Variants in RSU1 observed in about 807,000 individuals in gnomAD.
RSU1 encodes the protein Ras suppressor protein 1.
A neutral mutation model predicts 31.1 loss-of-function variants in RSU1; 26 were observed. The observed-to-expected ratio is 0.84, with a 90% CI of 0.61 to 1.16. The LOEUF is 1.16. Ranked by LOEUF, RSU1 falls within the 50% of genes most tolerant of loss-of-function variation. The probability of loss-of-function intolerance (pLI) is 0.00; values close to 1 mark genes in which losing one functional copy is unlikely to be tolerated. For missense variants in RSU1, 320 were observed against 339.1 expected, an observed-to-expected ratio of 0.94 and a Z score of 0.44; for synonymous variants, 164 against 136.3, an observed-to-expected ratio of 1.20 and a Z score of -1.41.
intron 2 of RSU1, among the ~76,000 whole-genome samples, chr10:16,785,708 G>A (rs1390724102): frequency 7.7e-6 from 1 of 130,226 alleles, no homozygotes; most frequent in Non-Finnish European, 1.6e-5. Flanking sequence ...ATCTTTGGCA[G>A]GGATATCGCA....
chr10:16,674,025 A>G (rs12573392), intron 8 of RSU1, among the ~76,000 whole-genome samples: 30,611 of 152,132 alleles, frequency 0.2, 3,496 homozygotes, highest in South Asian at 0.41. Flanking sequence ...GGCTCTCAGC[A>G]GCCAATATCT....
chr10:16,708,815 C>G, intron 7 of RSU1, among the ~76,000 whole-genome samples: 1 of 144,678 alleles, frequency 6.9e-6, no homozygotes, highest in East Asian at 2.0e-4. Flanking sequence ...TTTCTATTAT[C>G]TTTTTTTTTT....
At chr10:16,795,368 A>G (rs1417004677) in intron 2 of RSU1, among the ~76,000 whole-genome samples, 1 of 151,660 alleles carries the variant, frequency 6.6e-6, no homozygotes, top group Non-Finnish European at 1.5e-5. Context: ...AAAAAAAAAA[A>G]AAAAAATTAA....
chr10:16,682,492 T>C (rs938207147), intron 8 of RSU1, among the ~76,000 whole-genome samples: 12 of 149,926 alleles, frequency 8.0e-5, no homozygotes, highest in Admixed American at 4.7e-4. Flanking sequence ...TCAGAAACCC[T>C]TGTAGCAGAA....
chr10:16,780,417 T>C (rs1328398819), intron 3 of RSU1, among the ~76,000 whole-genome samples: 2 of 152,046 alleles, frequency 1.3e-5, no homozygotes, highest in Admixed American at 6.6e-5. Context: ...AATTTTTTGA[T>C]TTTTGGTAGA....
intron 8 of RSU1, among the ~76,000 whole-genome samples, chr10:16,694,245 G>A (rs542284508): frequency 3.9e-5 from 6 of 152,246 alleles, no homozygotes; most frequent in East Asian, 3.9e-4. Flanking sequence ...GGCAGATTCC[G>A]CTTCCTCTCC....
chr10:16,594,586 A>T (rs567524948), intron 8 of RSU1, among the ~76,000 whole-genome samples: 64 of 147,302 alleles, frequency 4.3e-4, no homozygotes, highest in Middle Eastern at 7.7e-3. Flanking sequence ...AATTAAAAAA[A>T]ATATATATAT....
intron 2 of RSU1, among the ~76,000 whole-genome samples, chr10:16,816,022 C>A (rs1222954492): frequency 6.6e-6 from 1 of 152,188 alleles, no homozygotes; most frequent in African/African-American, 2.4e-5. Flanking sequence ...AAACCTGGAG[C>A]ATTACCGTCG....
At chr10:16,738,430 G>GA (rs1836681943) in intron 7 of RSU1, among the ~76,000 whole-genome samples, 1 of 152,044 alleles carries the variant, frequency 6.6e-6, no homozygotes, top group South Asian at 2.1e-4. Context: ...TGGCCTGTGT[G>GA]AAAGAGCAAG....
At chr10:16,666,701 C>T (rs530563651) in intron 8 of RSU1, among the ~76,000 whole-genome samples, 24 of 151,788 alleles carry the variant, frequency 1.6e-4, no homozygotes, top group Non-Finnish European at 2.6e-4. Flanking sequence ...AAAAAATGAG[C>T]CATCAGCCGG....
At chr10:16,693,477 CAAA>C (rs773915130) in intron 8 of RSU1, among the ~76,000 whole-genome samples, 2 of 131,338 alleles carry the variant, frequency 1.5e-5, no homozygotes. Flanking sequence ...TTTCTGATAC[CAAA>C]AAAAAAAAAA....
chr10:16,808,380 A>C (rs1838322093), intron 2 of RSU1, among the ~76,000 whole-genome samples: 1 of 151,650 alleles, frequency 6.6e-6, no homozygotes, highest in African/African-American at 2.4e-5. Flanking sequence ...GCTACTTGGA[A>C]GCCTAAGGCA....
chr10:16,623,986 A>G (rs1449157779), intron 8 of RSU1, among the ~76,000 whole-genome samples: 3 of 152,108 alleles, frequency 2.0e-5, no homozygotes. Context: ...TGAAGTCAAA[A>G]TGAGTATGAA....
chr10:16,723,061 TATC>T (rs1473709424), intron 7 of RSU1: 2 of 151,556 alleles, frequency 1.3e-5, no homozygotes, highest in African/African-American at 4.9e-5. Context: ...CACACATATA[TATC>T]ATGTGATATA....
chr10:16,729,704 A>G (rs1588498735), intron 7 of RSU1, among the ~76,000 whole-genome samples: 1 of 152,274 alleles, frequency 6.6e-6, no homozygotes, highest in East Asian at 1.9e-4. Context: ...TTTCTTTTTT[A>G]TGGCATTGAT....
chr10:16,714,728 C>G (rs1041632650), intron 7 of RSU1, among the ~76,000 whole-genome samples: 12 of 152,046 alleles, frequency 7.9e-5, no homozygotes, highest in South Asian at 2.1e-4. Flanking sequence ...GGTATAAGGA[C>G]AGCTAGGCCT....
intron 8 of RSU1, among the ~76,000 whole-genome samples, chr10:16,654,787 A>G (rs919696423): frequency 4.6e-5 from 7 of 151,454 alleles, no homozygotes; most frequent in African/African-American, 1.5e-4. Context: ...GGCCCAGCAT[A>G]GTGGCTCATG....
chr10:16,635,437 G>A (rs754999048), intron 8 of RSU1, among the ~76,000 whole-genome samples: 26 of 152,016 alleles, frequency 1.7e-4, no homozygotes, highest in Admixed American at 1.3e-4. Flanking sequence ...TGAGAAAACC[G>A]AAACACTCCA....
chr10:16,635,967 T>A (rs181601313), intron 8 of RSU1, among the ~76,000 whole-genome samples: 46 of 152,292 alleles, frequency 3.0e-4, no homozygotes, highest in African/African-American at 1.1e-3. Flanking sequence ...TCCCTTGGTT[T>A]CCAGGACACT....
Sources: gnomAD v4.1 joint callset for allele counts (sites outside exome capture counted in the v4.1 genomes callset) on GRCh38, gnomAD v4.1.1 for gene constraint, MANE v1.5 for transcripts, NCBI Gene and HGNC (gene_info 2026-07-23, HGNC 2026-07-21) for gene names.